The following MMP26 variants were observed in gnomAD, a reference collection of about 807,000 sequenced individuals.
MMP26 encodes the protein matrix metalloproteinase-26.
MMP26 carries 33 observed loss-of-function variants against 31.0 expected under a neutral mutation model. The observed-to-expected ratio is 1.06, with a 90% confidence interval of 0.81 to 1.42. The LOEUF is 1.42. Among genes scored for constraint, MMP26 ranks in the 40% most tolerant of loss-of-function variants. The pLI is 0.00. For missense variants in MMP26, 347 were observed against 316.1 expected, an observed-to-expected ratio of 1.10 and a Z score of -0.74; for synonymous variants, 122 against 114.9, an observed-to-expected ratio of 1.06 and a Z score of -0.40.
At chr11:4,812,166 A>C (rs1169226110) in intron 2 of MMP26, among the ~76,000 whole-genome samples, 1 of 152,162 alleles carries the variant, frequency 6.6e-6, no homozygotes, top group African/African-American at 2.4e-5. Context: ...GTTTTTGGGG[A>C]TATTGACATG....
intron 2 of MMP26, among the ~76,000 whole-genome samples, chr11:4,834,352 C>T (rs1391486567): frequency 3.3e-5 from 5 of 152,180 alleles, no homozygotes; most frequent in Admixed American, 2.0e-4. Context: ...CCTAGTCTCA[C>T]CTCTCACTTT....
chr11:4,722,546 AT>A (rs1433614997), intron 1 of MMP26, among the ~76,000 whole-genome samples: 2 of 133,998 alleles, frequency 1.5e-5, no homozygotes, highest in Non-Finnish European at 3.1e-5. Flanking sequence ...AAGCAATTGA[AT>A]TGTTTTGTAG....
chr11:4,879,303 G>T (rs1589927238), intron 2 of MMP26, among the ~76,000 whole-genome samples: 1 of 152,120 alleles, frequency 6.6e-6, no homozygotes, highest in Non-Finnish European at 1.5e-5. Flanking sequence ...ACTGTCTACT[G>T]TGAATAGTTG....
chr11:4,866,393 T>G (rs1850234923), intron 2 of MMP26, among the ~76,000 whole-genome samples: 1 of 152,126 alleles, frequency 6.6e-6, no homozygotes, highest in Non-Finnish European at 1.5e-5. Flanking sequence ...CATGATACCT[T>G]GTTTATAACA....
chr11:4,989,653 T>C lies in MMP26; in HGVS notation c.105T>C (p.Tyr35=), dbSNP rs1487073357. 2 of 1,611,330 alleles carry C rather than the reference T, an allele frequency of 1.2e-6. No homozygotes were observed. Among genetic ancestry groups the C allele is most frequent in the Non-Finnish European group, 1.7e-6 (2 of 1,179,504 alleles). ...TCCTTCTTGATCTGATTCAGGGCTA[T>C]TTCCATCAATTTTTCCTGACCAAGA... ...DHKGWDFVEG[Y]FHQFFLTKKE... Residue 35 remains tyrosine (Y), a synonymous_variant, in exon 4 of 8, where the codon TAT becomes TAC. Coordinates refer to ENST00000380390, the MANE Select transcript of MMP26 (RefSeq NM_021801.5).
At chr11:4,859,423 T>C (rs1321166698) in intron 2 of MMP26, among the ~76,000 whole-genome samples, 1 of 152,200 alleles carries the variant, frequency 6.6e-6, no homozygotes, top group Admixed American at 6.5e-5. Context: ...TATTTCAAAA[T>C]ACACACATTC....
At chr11:4,731,780 A>G (rs1848177405) in intron 1 of MMP26, among the ~76,000 whole-genome samples, 1 of 152,208 alleles carries the variant, frequency 6.6e-6, no homozygotes, top group Non-Finnish European at 1.5e-5. Context: ...GAAATGATGT[A>G]TTTAGGGATT....
At chr11:4,803,425 C>A (rs2133453775) in intron 2 of MMP26, 5 of 1,566,682 alleles carry the variant, frequency 3.2e-6, no homozygotes, top group Middle Eastern at 1.7e-4. Context: ...GATACACTGA[C>A]CCTTTGCTCA....
intron 2 of MMP26, among the ~76,000 whole-genome samples, chr11:4,894,506 G>C (rs1850673300): frequency 6.6e-6 from 1 of 152,068 alleles, no homozygotes; most frequent in Admixed American, 6.6e-5. Context: ...CCGAAGCCTT[G>C]GTCTTTATTA....
intron 2 of MMP26, among the ~76,000 whole-genome samples, chr11:4,940,683 C>T (rs41477148): frequency 0.012 from 1,809 of 152,224 alleles, 32 homozygotes; most frequent in African/African-American, 0.04. Context: ...AGCTTCTAAA[C>T]GTTGACTCAA....
chr11:4,989,993 A>T, intron 4 of MMP26, 125 bp downstream of exon 4: 4 of 702,242 alleles, frequency 5.7e-6, no homozygotes, highest in Non-Finnish European at 9.5e-6. Context: ...TCAAAGCCCA[A>T]AATCTCCCTC....
chr11:4,813,085 A>G (rs1849372012), intron 2 of MMP26, among the ~76,000 whole-genome samples: 1 of 151,868 alleles, frequency 6.6e-6, no homozygotes, highest in South Asian at 2.1e-4. Context: ...CCATTGTTCA[A>G]ACTTCGCTAT....
At chr11:4,812,358 A>G (rs1358778476) in intron 2 of MMP26, among the ~76,000 whole-genome samples, 1 of 152,198 alleles carries the variant, frequency 6.6e-6, no homozygotes, top group Non-Finnish European at 1.5e-5. Flanking sequence ...ACTGAAGAAA[A>G]TGACTGAGGC....
At chr11:4,727,499 C>A (rs543135608) in intron 1 of MMP26, among the ~76,000 whole-genome samples, 1 of 152,000 alleles carries the variant, frequency 6.6e-6, no homozygotes, top group Non-Finnish European at 1.5e-5. Flanking sequence ...GTACAAGGTA[C>A]ATGACAATCC....
At chr11:4,885,333 G>A (rs1470805279) in intron 2 of MMP26, among the ~76,000 whole-genome samples, 1 of 152,052 alleles carries the variant, frequency 6.6e-6, no homozygotes, top group Non-Finnish European at 1.5e-5. Context: ...ATAGTCATAT[G>A]CCCCACAATG....
At chr11:4,829,548 A>G (rs1849618669) in intron 2 of MMP26, among the ~76,000 whole-genome samples, 1 of 152,146 alleles carries the variant, frequency 6.6e-6, no homozygotes, top group South Asian at 2.1e-4. Flanking sequence ...GGGCTGAACA[A>G]TTTCCCTTCT....
At chr11:4,772,302 T>G (rs1262239096) in intron 2 of MMP26, among the ~76,000 whole-genome samples, 1 of 152,178 alleles carries the variant, frequency 6.6e-6, no homozygotes, top group African/African-American at 2.4e-5. Context: ...CATTGGGGAA[T>G]AGAGAGATGT....
intron 1 of MMP26, among the ~76,000 whole-genome samples, chr11:4,739,724 A>G (rs1209069174): frequency 6.6e-6 from 1 of 151,256 alleles, no homozygotes; most frequent in African/African-American, 2.4e-5. Flanking sequence ...TTTTATCTCT[A>G]TCTACTATTG....
intron 4 of MMP26, among the ~76,000 whole-genome samples, 195 bp from the exon 5 acceptor site, chr11:4,990,403 T>G (rs1846980220): frequency 6.6e-6 from 1 of 152,246 alleles, no homozygotes; most frequent in African/African-American, 2.4e-5. Flanking sequence ...GTTAAAATTC[T>G]TAGAAATCTA....
Sources: gnomAD v4.1 joint callset for allele counts (sites outside exome capture counted in the v4.1 genomes callset) on GRCh38, gnomAD v4.1.1 for gene constraint, MANE v1.5 for transcripts, NCBI Gene and HGNC (gene_info 2026-07-23, HGNC 2026-07-21) for gene names.